Variants in PAFAH1B1 observed in about 807,000 individuals in gnomAD.
PAFAH1B1 encodes the protein platelet-activating factor acetylhydrolase IB subunit beta.
In PAFAH1B1, 2 loss-of-function variants were observed where a neutral mutation model predicts 57.5. The observed-to-expected ratio is 0.03, with a 90% confidence interval of 0.01 to 0.11. The LOEUF (loss-of-function observed/expected upper bound fraction) is 0.11, where lower values mean the gene tolerates loss of function less well. Among genes scored for constraint, PAFAH1B1 ranks in the 10% least tolerant of loss-of-function variants. PAFAH1B1 has a pLI of 1.00. For synonymous variants in PAFAH1B1, 152 were observed against 169.6 expected, an observed-to-expected ratio of 0.90 and a Z score of 0.81; for missense variants, 257 against 512.0, an observed-to-expected ratio of 0.50 and a Z score of 4.81.
intron 1 of PAFAH1B1, among the ~76,000 whole-genome samples, chr17:2,604,453 C>A (rs2068182747): frequency 6.6e-6 from 1 of 151,664 alleles, no homozygotes; most frequent in African/African-American, 2.4e-5. Context: ...TAGGCTATTT[C>A]AGGGCCCATC....
intron 1 of PAFAH1B1, among the ~76,000 whole-genome samples, chr17:2,623,519 A>G (rs2068450547): frequency 1.3e-5 from 2 of 151,720 alleles, no homozygotes; most frequent in African/African-American, 4.8e-5. Context: ...TGGCCTCCCA[A>G]AGTCCTGGGA....
chr17:2,658,447 TTTTG>T (rs1302589495), intron 2 of PAFAH1B1, among the ~76,000 whole-genome samples: 2 of 152,168 alleles, frequency 1.3e-5, no homozygotes, highest in Non-Finnish European at 2.9e-5. Context: ...AATGCATATT[TTTTG>T]TTTATTTATT....
rs1567566803 is a variant in PAFAH1B1, at chr17:2,684,603, G to T, written c.*2801G>T. The T allele has an allele frequency of 5.2e-5, 8 of 152,644 alleles. No homozygotes were observed. Among genetic ancestry groups the T allele is most frequent in the Admixed American group, 5.2e-4 (8 of 15,280 alleles). The allele number at this position is 152,644 out of a possible 1,614,324, so 9.5% of individuals were successfully genotyped here. On this transcript the variant is annotated 3_prime_UTR_variant, in exon 11 of 11. Transcript: ENST00000397195. ...CCCAAGAAATCCTAGCTGCGCTCTT[G>T]AGAGTGCATGCCATGGAGACTGGTT...
chr17:2,594,268 C>G (rs898425690), intron 1 of PAFAH1B1, among the ~76,000 whole-genome samples: 16 of 152,204 alleles, frequency 1.1e-4, no homozygotes, highest in Admixed American at 9.2e-4. Context: ...CCTCCCGGGC[C>G]CGGCTTTGGG....
chr17:2,666,969 G>GT, intron 4 of PAFAH1B1, 23 bp from the exon 5 acceptor site: 2 of 1,554,038 alleles, frequency 1.3e-6, no homozygotes, highest in Non-Finnish European at 1.8e-6. Flanking sequence ...CTATCTGTAC[G>GT]TAACTACATG....
chr17:2,677,056 G>A (rs1038999872), intron 9 of PAFAH1B1, among the ~76,000 whole-genome samples: 1 of 152,158 alleles, frequency 6.6e-6, no homozygotes, highest in South Asian at 2.1e-4. Flanking sequence ...GGGAGGCTGA[G>A]GCAGGAGAAT....
intron 6 of PAFAH1B1, among the ~76,000 whole-genome samples, chr17:2,672,063 G>A (rs1567558346): frequency 6.6e-6 from 1 of 152,072 alleles, no homozygotes; most frequent in Non-Finnish European, 1.5e-5. Context: ...GAGGACAGGA[G>A]TTCGAGACCA....
At chr17:2,623,346 C>T (rs1259703839) in intron 1 of PAFAH1B1, among the ~76,000 whole-genome samples, 1 of 145,988 alleles carries the variant, frequency 6.8e-6, no homozygotes, top group Non-Finnish European at 1.5e-5. Context: ...CTTGGCTCCG[C>T]CTCCTGGATT....
chr17:2,638,640 T>G (rs1255071158), intron 2 of PAFAH1B1: 1 of 280,416 alleles, frequency 3.6e-6, no homozygotes, highest in East Asian at 8.9e-5. Flanking sequence ...CCCAAGTAGC[T>G]GGGATTACAG....
intron 9 of PAFAH1B1, 104 bp from the exon 10 acceptor site, chr17:2,680,060 G>T (rs1181458756): frequency 2.9e-6 from 3 of 1,017,982 alleles, no homozygotes; most frequent in Middle Eastern, 3.1e-4. Context: ...ATTTTCTTCT[G>T]GTCTTTTGAT....
At chr17:2,632,911 ACTT>A (rs2068573101) in intron 1 of PAFAH1B1, among the ~76,000 whole-genome samples, 1 of 152,162 alleles carries the variant, frequency 6.6e-6, no homozygotes, top group African/African-American at 2.4e-5. Context: ...TGCCCTCTGT[ACTT>A]CTTGCAGATT....
chr17:2,635,855 C>T (rs2068615853), intron 1 of PAFAH1B1, among the ~76,000 whole-genome samples: 1 of 149,466 alleles, frequency 6.7e-6, no homozygotes, highest in South Asian at 2.1e-4. Flanking sequence ...AATCCTAGGA[C>T]TTTGGGAGGC....
rs754046971 is a variant in PAFAH1B1 at position 2,665,474 on chromosome 17, C to T, written c.117+18C>T. The T allele has an allele frequency of 3.7e-5, 51 of 1,367,588 alleles. No individual in the cohort carries two copies. Among genetic ancestry groups the T allele is most frequent in the Non-Finnish European group, 5.2e-5 (50 of 956,406 alleles). 84.7% of individuals were successfully genotyped at this position (1,367,588 alleles called of 1,614,324 possible). A position where few individuals can be genotyped will look rare whatever the true frequency, so the allele number is the denominator to read the frequency against. ...TAGATGTGGTATGTTTTACTTTTTA[C>T]AATTCAAAGTATAGTTAATGAGTGG... is the stretch of plus-strand genomic sequence containing the variant. On this transcript the variant is annotated intron_variant, in intron 3 of 10. Transcript: ENST00000397195.
At chr17:2,612,544 A>G (rs1821999552) in intron 1 of PAFAH1B1, among the ~76,000 whole-genome samples, 1 of 151,436 alleles carries the variant, frequency 6.6e-6, no homozygotes, top group African/African-American at 2.4e-5. Context: ...AGATACTACT[A>G]TTAAAAGTAG....
intron 1 of PAFAH1B1, among the ~76,000 whole-genome samples, chr17:2,627,913 T>G (rs1213408290): frequency 6.6e-6 from 1 of 152,240 alleles, no homozygotes; most frequent in Non-Finnish European, 1.5e-5. Flanking sequence ...GCTACTGATT[T>G]GTGTACATTA....
At chr17:2,635,301 T>A (rs2068608294) in intron 1 of PAFAH1B1, 1 of 152,202 alleles carries the variant, frequency 6.6e-6, no homozygotes, top group African/African-American at 2.4e-5. Flanking sequence ...ATTTAATGAT[T>A]TATGTATGTG....
chr17:2,620,133 T>A (rs1567531519), intron 1 of PAFAH1B1, among the ~76,000 whole-genome samples: 1 of 152,198 alleles, frequency 6.6e-6, no homozygotes, highest in Non-Finnish European at 1.5e-5. Context: ...TTTAGTATAT[T>A]CAGAAGAAAG....
At position 2,612,210 on chromosome 17, in the gene PAFAH1B1, C is replaced by CT. The variant is rs529559637; in HGVS notation, c.-191+18220dup. Among the ~76,000 whole-genome samples the CT allele has an allele frequency of 8.2e-3, 1,070 of 130,532 alleles. 6 individuals are homozygous for CT. Among genetic ancestry groups the CT allele is most frequent in the African/African-American group, 0.016 (554 of 35,476 alleles). 85.6% of individuals were successfully genotyped at this position (130,532 alleles called of 152,430 possible). A position where few individuals can be genotyped will look rare whatever the true frequency, so the allele number is the denominator to read the frequency against. ...AATGTGCCATTTTGGGAAAATGGCACTTTTTTTTTTTTTTTTGAGACTGAG... is the reference window on the plus strand; with the variant it reads ...AATGTGCCATTTTGGGAAAATGGCACTTTTTTTTTTTTTTTTTGAGACTGAG... On this transcript the variant is annotated intron_variant, in intron 1 of 10. Coordinates refer to ENST00000397195, the MANE Select transcript of PAFAH1B1 (RefSeq NM_000430.4).
chr17:2,654,294 A>G (rs1331537399), intron 2 of PAFAH1B1, among the ~76,000 whole-genome samples: 3 of 150,260 alleles, frequency 2.0e-5, no homozygotes, highest in South Asian at 2.1e-4. Context: ...GGTTCAATCA[A>G]TTCTCCTGCC....
Sources: allele counts gnomAD v4.1 joint callset (sites outside exome capture counted in the v4.1 genomes callset), GRCh38; gene constraint gnomAD v4.1.1; transcripts MANE v1.5; gene names NCBI Gene and HGNC (gene_info 2026-07-23, HGNC 2026-07-21).